The following RBM39 variants were observed in gnomAD, a reference collection of about 807,000 sequenced individuals.
RBM39 encodes the protein RNA binding motif protein 39.
A neutral mutation model predicts 79.6 loss-of-function variants in RBM39; 12 were observed. That is an observed-to-expected ratio of 0.15 (90% CI 0.10 to 0.24). The LOEUF is 0.24. Among genes scored for constraint, RBM39 ranks in the 10% least tolerant of loss-of-function variants. The pLI, the probability that RBM39 is intolerant of heterozygous loss-of-function variation, is 1.00. For synonymous variants in RBM39, 185 were observed against 208.4 expected (o/e 0.89, Z 0.97); for missense variants, 243 against 653.4 (o/e 0.37, Z 6.85).
In RBM39 at chr20:35,719,914, C is replaced by A. The variant is rs146714571; in HGVS notation, c.825+1826G>T. On this transcript the variant is annotated intron_variant, in intron 9 of 16. Coordinates refer to ENST00000253363, the MANE Select transcript of RBM39 (RefSeq NM_184234.3). ...TCTCCTGCCTCAGCCTCTTAAGTAG[C>A]TGGGATTAGAGGGATGCGCCACCAC... 6.7e-3 allele frequency: 1,170 copies of A among 174,882 alleles called. 5 individuals are homozygous for A. The highest frequency in any genetic ancestry group is 0.012 in the Non-Finnish European group (955 of 78,692). 10.8% of individuals were successfully genotyped at this position (174,882 alleles called of 1,614,324 possible).
In RBM39 at chr20:35,725,283, C is replaced by A. The variant is rs1005409264; in HGVS notation, c.417-128G>T. 1.5e-4 allele frequency: 89 copies of A among 605,222 alleles called. 1 individual carries two copies. The East Asian group carries it at 2.6e-3, about 17-fold the overall frequency. The allele number at this position is 605,222 out of a possible 1,614,324, so 37.5% of individuals were successfully genotyped here. A position where few individuals can be genotyped will look rare whatever the true frequency, so the allele number is the denominator to read the frequency against. ...TGGGTTTTGGTTACATAGATGAGTTCTTTAATGGTGAATTCTGAGATTTTA... is the reference window on the plus strand; with the variant it reads ...TGGGTTTTGGTTACATAGATGAGTTATTTAATGGTGAATTCTGAGATTTTA... On this transcript the variant is annotated intron_variant, in intron 6 of 16. Transcript: ENST00000253363.
intron 12 of RBM39, among the ~76,000 whole-genome samples, chr20:35,711,374 A>G (rs2036386603): frequency 1.3e-5 from 2 of 152,240 alleles, no homozygotes; most frequent in South Asian, 2.1e-4. Context: ...GCAAGTAGCA[A>G]TCGACAATTA....
rs537508880 is a variant in RBM39, at chr20:35,730,319, T to C, written c.297-792A>G. On this transcript the variant is annotated intron_variant, in intron 4 of 16. Coordinates refer to ENST00000253363, the MANE Select transcript of RBM39 (RefSeq NM_184234.3). The stretch of plus-strand genomic sequence containing the variant: ...CTTAAAGGGACTAGCCAGTTGTCCA[T>C]TAGTGCTCATCCTGCTAACTTATTC... Among the ~76,000 whole-genome samples the C allele has an allele frequency of 4.7e-4, 71 of 152,332 alleles. No individual in the cohort carries two copies. The South Asian group carries it at 0.014, about 29-fold the overall frequency.
At chr20:35,719,421 T>C (rs1221274675) in intron 9 of RBM39, among the ~76,000 whole-genome samples, 1 of 152,024 alleles carries the variant, frequency 6.6e-6, no homozygotes, top group Non-Finnish European at 1.5e-5. Context: ...CTAAAATGGG[T>C]CTGGGCGCAG....
intron 3 of RBM39, among the ~76,000 whole-genome samples, chr20:35,738,518 G>C (rs1264742272): frequency 6.6e-6 from 1 of 152,188 alleles, no homozygotes; most frequent in Non-Finnish European, 1.5e-5. Flanking sequence ...AAGGGCCTCT[G>C]AGCAGCAAGT....
intron 9 of RBM39, chr20:35,720,016 C>G (rs1327901947): frequency 3.8e-6 from 1 of 260,804 alleles, no homozygotes; most frequent in Non-Finnish European, 8.2e-6. Context: ...CTCCTGACCT[C>G]AAGCGATCCA....
intron 6 of RBM39, 119 bp downstream of exon 6, chr20:35,729,193 G>A (rs2039093751): frequency 2.5e-6 from 2 of 803,596 alleles, no homozygotes; most frequent in Admixed American, 3.0e-5. Context: ...TACTGGAAGT[G>A]CAAAAGAAAG....
At chr20:35,739,294 C>T in intron 2 of RBM39, 20 of 466,008 alleles carry the variant, frequency 4.3e-5, no homozygotes, top group South Asian at 3.9e-4. Context: ...TAAAAGTTAT[C>T]CAGATTTACA....
chr20:35,702,186 A>G lies in RBM39; in HGVS notation c.*2295T>C, dbSNP rs1390249909. 1 of 152,184 alleles carries G rather than the reference A, an allele frequency of 6.6e-6. No individual in the cohort carries two copies. Among genetic ancestry groups the G allele is most frequent in the African/African-American group, 2.4e-5 (1 of 41,448 alleles). 9.4% of individuals were successfully genotyped at this position (152,184 alleles called of 1,614,324 possible). On this transcript the variant is annotated 3_prime_UTR_variant, in exon 17 of 17. Transcript: ENST00000253363. Reference sequence around the variant, plus strand: ...CATTTCTTAAACAGAACTTTCAAAGATGGTAGTAATTATTATAAAGATAAA... The same window carrying G: ...CATTTCTTAAACAGAACTTTCAAAGGTGGTAGTAATTATTATAAAGATAAA...
rs2037067663 is a variant in RBM39, at chr20:35,715,918, C to G, written c.891+822G>C. Among the ~76,000 whole-genome samples, 3 of 152,096 alleles carry G rather than the reference C, an allele frequency of 2.0e-5. No individual in the cohort carries two copies. In the South Asian group the frequency reaches 6.2e-4, roughly 31 times the overall value. On this transcript the variant is annotated intron_variant, in intron 10 of 16. Transcript: ENST00000253363. Reference sequence around the variant, plus strand: ...TCTCCAAGTGACACACCTGCTCCTCCAAGCAATAACAAGTAAAGGCTTTGC... The same window carrying G: ...TCTCCAAGTGACACACCTGCTCCTCGAAGCAATAACAAGTAAAGGCTTTGC...
Position 35,714,394 on chromosome 20 carries a change from A to G in RBM39, c.892-5T>C, listed in dbSNP as rs2036841771. 2.5e-6 allele frequency: 4 copies of G among 1,613,342 alleles called. No homozygotes were observed. The highest frequency in any genetic ancestry group is 2.7e-5 in the African/African-American group (2 of 74,930). On this transcript the variant is annotated splice_polypyrimidine_tract_variant and splice_region_variant and intron_variant, in intron 10 of 16. Transcript: ENST00000253363. ...GGCACATTCTGAGTCAGAAAACTAC[A>G]TGATAGGGGAGGCAAGGACAGGAGA...
chr20:35,705,656 C>T (rs2146474996), intron 14 of RBM39, among the ~76,000 whole-genome samples: 1 of 151,624 alleles, frequency 6.6e-6, no homozygotes, highest in East Asian at 2.0e-4. Context: ...AATTTAGCCA[C>T]GAGTGGTGGC....
At chr20:35,725,384 G>A (rs1261175749) in intron 6 of RBM39, among the ~76,000 whole-genome samples, 1 of 151,960 alleles carries the variant, frequency 6.6e-6, no homozygotes. Flanking sequence ...TCCATCTTTA[G>A]AAACCAGGTC....
chr20:35,720,397 G>A (rs2037752400), intron 9 of RBM39, among the ~76,000 whole-genome samples: 1 of 152,094 alleles, frequency 6.6e-6, no homozygotes, highest in South Asian at 2.1e-4. Context: ...AGCTCATGTG[G>A]CCCCAACTGC....
intron 11 of RBM39, 147 bp downstream of exon 11, chr20:35,714,038 T>G (rs2036804600): frequency 5.6e-6 from 4 of 712,372 alleles, no homozygotes; most frequent in Non-Finnish European, 9.2e-6. Flanking sequence ...AGGCACATCA[T>G]CTATAAAATA....
chr20:35,707,027 TAAAAAAAAAA>T (rs58614202), intron 14 of RBM39, 83 bp downstream of exon 14: 45 of 151,878 alleles, frequency 3.0e-4, no homozygotes, highest in African/African-American at 7.7e-4. Flanking sequence ...AACTCCATCT[TAAAAAAAAAA>T]AAAAAAAAAA....
intron 8 of RBM39, among the ~76,000 whole-genome samples, chr20:35,723,122 GA>G (rs2146613694): frequency 1.3e-5 from 2 of 151,492 alleles, no homozygotes; most frequent in African/African-American, 4.9e-5. Context: ...TGGTATAACC[GA>G]ACGTAGTTGT....
At chr20:35,720,623 T>TA (rs1179349751) in intron 9 of RBM39, among the ~76,000 whole-genome samples, 1 of 149,136 alleles carries the variant, frequency 6.7e-6, no homozygotes, top group Non-Finnish European at 1.5e-5. Context: ...AAAAAAAAAT[T>TA]AGTCGAGCAT....
chr20:35,706,810 C>T (rs1428389609), intron 14 of RBM39, among the ~76,000 whole-genome samples: 1 of 151,780 alleles, frequency 6.6e-6, no homozygotes, highest in Admixed American at 6.6e-5. Flanking sequence ...GGCGGATCAC[C>T]TCAGGTCGGG....
Sources: allele counts gnomAD v4.1 joint callset (sites outside exome capture counted in the v4.1 genomes callset), GRCh38; gene constraint gnomAD v4.1.1; transcripts MANE v1.5; gene names NCBI Gene and HGNC (gene_info 2026-07-23, HGNC 2026-07-21).